KLRF1: variants seen among roughly 807,000 people sequenced by gnomAD.
KLRF1 encodes killer cell lectin like receptor F1.
Under a neutral mutation model 30.7 loss-of-function variants are expected in KLRF1, and 27 were observed. That is an observed-to-expected ratio of 0.88 (90% CI 0.65 to 1.21). The LOEUF is 1.21. Among genes scored for constraint, KLRF1 ranks in the 50% most tolerant of loss-of-function variants. KLRF1 has a pLI of 0.00. For missense variants in KLRF1, 246 were observed against 259.3 expected (o/e 0.95, Z 0.35); for synonymous variants, 92 against 89.3 (o/e 1.03, Z -0.17).
In KLRF1 at chr12:9,832,394, T is replaced by G; in HGVS notation, c.164T>G (p.Leu55Trp). 6.3e-7 allele frequency: 1 copy of G among 1,598,658 alleles called. No individual in the cohort carries two copies. The highest frequency in any genetic ancestry group is 1.1e-5 in the South Asian group (1 of 90,558). The change falls in exon 2 of 6, where the codon TTG becomes TGG. Residue 55 changes from leucine to tryptophan, a missense_variant. Coordinates refer to ENST00000617889, the MANE Select transcript of KLRF1 (RefSeq NM_016523.3). ...GTVNGILTLT[L>W]ISLILLVSQG... Reference sequence around the variant, plus strand: ...GTGAATGGTATTCTCACTTTGACTTTGATCTCCTTGATCCTGTTGGGTAAG... The same window carrying G: ...GTGAATGGTATTCTCACTTTGACTTGGATCTCCTTGATCCTGTTGGGTAAG...
At chr12:9,804,120 G>C in the KLRF1 span, among the ~76,000 whole-genome samples, 2 of 151,880 alleles carry the variant, frequency 1.3e-5, no homozygotes, top group Non-Finnish European at 2.9e-5. Flanking sequence ...TTTTATTATA[G>C]CTATCCTAGT....
the KLRF1 span, among the ~76,000 whole-genome samples, chr12:9,800,260 A>G: frequency 6.6e-6 from 1 of 152,096 alleles, no homozygotes; most frequent in Non-Finnish European, 1.5e-5. Flanking sequence ...GGTGTTGTTC[A>G]TATTTTGGAT....
the KLRF1 span, among the ~76,000 whole-genome samples, chr12:9,812,710 ATAT>A: frequency 8.9e-4 from 136 of 152,290 alleles, no homozygotes; most frequent in African/African-American, 3.2e-3. Flanking sequence ...TCCTTGGGGT[ATAT>A]TTTATCACCT....
chr12:9,801,930 A>G, the KLRF1 span, among the ~76,000 whole-genome samples: 6 of 151,988 alleles, frequency 3.9e-5, no homozygotes, highest in African/African-American at 1.4e-4. Flanking sequence ...GCCCATACCT[A>G]TGCTCTGAAT....
At chr12:9,841,786 A>G in intron 3 of KLRF1, 26 bp from the exon 4 acceptor site, 3 of 1,570,226 alleles carry the variant, frequency 1.9e-6, no homozygotes, top group Non-Finnish European at 2.6e-6. Flanking sequence ...ATTTAATTTC[A>G]TTTTGTTTTC....
the KLRF1 span, among the ~76,000 whole-genome samples, chr12:9,808,605 G>A: frequency 6.6e-6 from 1 of 152,122 alleles, no homozygotes; most frequent in Non-Finnish European, 1.5e-5. Flanking sequence ...GCTAACAGTA[G>A]TTTCTCCATG....
At chr12:9,804,923 A>G in the KLRF1 span, among the ~76,000 whole-genome samples, 4 of 152,090 alleles carry the variant, frequency 2.6e-5, no homozygotes, top group African/African-American at 4.8e-5. Flanking sequence ...TTAAATTAAT[A>G]TATTTTTGGA....
the KLRF1 span, among the ~76,000 whole-genome samples, chr12:9,819,709 T>A: frequency 6.6e-6 from 1 of 152,182 alleles, no homozygotes; most frequent in Non-Finnish European, 1.5e-5. Flanking sequence ...CTTACAGCCT[T>A]AGCCATTGTT....
the KLRF1 span, among the ~76,000 whole-genome samples, chr12:9,810,436 CT>C: frequency 6.6e-6 from 1 of 150,890 alleles, no homozygotes; most frequent in South Asian, 2.2e-4. Flanking sequence ...GATTCACAAA[CT>C]TAATGACTAT....
At chr12:9,806,837 T>C in the KLRF1 span, among the ~76,000 whole-genome samples, 2 of 151,998 alleles carry the variant, frequency 1.3e-5, no homozygotes, top group Middle Eastern at 3.2e-3. Flanking sequence ...CATGCCACTA[T>C]GCCTGGCTAA....
the KLRF1 span, among the ~76,000 whole-genome samples, chr12:9,807,576 G>T: frequency 2.6e-5 from 4 of 152,208 alleles, no homozygotes; most frequent in African/African-American, 9.6e-5. Flanking sequence ...TAAGTTAAAA[G>T]AAGAAAGGAA....
upstream of KLRF1, among the ~76,000 whole-genome samples, chr12:9,822,862 A>T (rs1277124093): frequency 6.6e-6 from 1 of 152,220 alleles, no homozygotes; most frequent in Non-Finnish European, 1.5e-5. Flanking sequence ...ATAAAGATGA[A>T]AAAAGACAAA....
At chr12:9,816,716 C>A in the KLRF1 span, among the ~76,000 whole-genome samples, 2 of 150,256 alleles carry the variant, frequency 1.3e-5, no homozygotes, top group Non-Finnish European at 3.0e-5. Flanking sequence ...AACTTGTCCT[C>A]TTTCCAGCAT....
At chr12:9,843,416 T>A (rs1867746658) in intron 5 of KLRF1, among the ~76,000 whole-genome samples, 1 of 152,198 alleles carries the variant, frequency 6.6e-6, no homozygotes, top group African/African-American at 2.4e-5. Flanking sequence ...TAGTACATTA[T>A]AGTAACCAAC....
the KLRF1 span, among the ~76,000 whole-genome samples, chr12:9,804,742 G>T: frequency 3.1e-4 from 47 of 152,052 alleles, 1 homozygote; most frequent in African/African-American, 1.1e-3. Context: ...CCTCAAGTCT[G>T]TTATACCAAG....
chr12:9,812,245 G>A, the KLRF1 span, among the ~76,000 whole-genome samples: 4 of 151,850 alleles, frequency 2.6e-5, no homozygotes, highest in Non-Finnish European at 4.4e-5. Flanking sequence ...GGCGCCTGTA[G>A]TCCCAGCTAC....
At chr12:9,832,207 C>A in intron 1 of KLRF1, 109 bp from the exon 2 acceptor site, 1 of 579,760 alleles carries the variant, frequency 1.7e-6, no homozygotes, top group South Asian at 2.7e-5. Flanking sequence ...TGCCTAATAT[C>A]TTTTGAAACC....
At chr12:9,822,341 TG>T in the KLRF1 span, among the ~76,000 whole-genome samples, 1 of 152,182 alleles carries the variant, frequency 6.6e-6, no homozygotes, top group Admixed American at 6.5e-5. Flanking sequence ...CTGCTAGAGC[TG>T]GAAAACACAT....
chr12:9,823,172 C>G (rs188617948), upstream of KLRF1, among the ~76,000 whole-genome samples: 21 of 147,412 alleles, frequency 1.4e-4, no homozygotes, highest in Non-Finnish European at 1.0e-4. Context: ...CCACATGCCA[C>G]ATAATCTAAA....
Sources: gnomAD v4.1 joint callset for allele counts (sites outside exome capture counted in the v4.1 genomes callset) on GRCh38, gnomAD v4.1.1 for gene constraint, MANE v1.5 for transcripts, NCBI Gene and HGNC (gene_info 2026-07-23, HGNC 2026-07-21) for gene names.